Variants in CCNI observed in about 807,000 individuals in gnomAD.
The protein encoded by CCNI is cyclin-I.
In CCNI, 14 loss-of-function variants were observed where a neutral mutation model predicts 34.1. The observed-to-expected ratio is 0.41, with a 90% CI of 0.27 to 0.64. The LOEUF is 0.64. Among genes scored for constraint, CCNI ranks in the 30% least tolerant of loss-of-function variants. The probability of loss-of-function intolerance (pLI) is 0.31; values close to 1 mark genes in which losing one functional copy is unlikely to be tolerated. For synonymous variants in CCNI, 154 were observed against 158.4 expected, an observed-to-expected ratio of 0.97 and a Z score of 0.21; for missense variants, 385 against 440.5, an observed-to-expected ratio of 0.87 and a Z score of 1.13.
chr4:77,057,598 C>T (rs147205675), intron 3 of CCNI, among the ~76,000 whole-genome samples: 81 of 152,320 alleles, frequency 5.3e-4, no homozygotes, highest in African/African-American at 1.8e-3. Context: ...TCATGCCTTG[C>T]CATTAAATAA....
At chr4:77,059,387 TCTC>T (rs4252862) in intron 2 of CCNI, among the ~76,000 whole-genome samples, 15,445 of 151,012 alleles carry the variant, frequency 0.1, 993 homozygotes, top group South Asian at 0.17. Context: ...CATTCAGTAT[TCTC>T]CTTACAGCTC....
chr4:77,055,429 AT>A (rs1347719717), intron 5 of CCNI, 49 bp from the exon 6 acceptor site: 3 of 1,254,656 alleles, frequency 2.4e-6, no homozygotes, highest in Non-Finnish European at 3.4e-6. Context: ...TATCTGGGAA[AT>A]TACATATAGA....
chr4:77,058,479 A>G (rs753727169), intron 3 of CCNI, 28 bp downstream of exon 3: 76 of 1,579,056 alleles, frequency 4.8e-5, no homozygotes, highest in Non-Finnish European at 6.3e-5. Flanking sequence ...AAATGAGGTT[A>G]TATGTAAGTC....
At chr4:77,062,154 CTT>C (rs1211622899) in intron 2 of CCNI, among the ~76,000 whole-genome samples, 1 of 152,182 alleles carries the variant, frequency 6.6e-6, no homozygotes, top group Non-Finnish European at 1.5e-5. Context: ...TTATGTATCT[CTT>C]GAGAGCTATT....
intron 5 of CCNI, 81 bp from the exon 6 acceptor site, chr4:77,055,461 TTTC>T: frequency 1.1e-6 from 1 of 944,872 alleles, no homozygotes; most frequent in African/African-American, 1.7e-5. Context: ...ACCTATTCAA[TTTC>T]TTTTTTTTTT....
Position 77,075,690 on chromosome 4 carries a change from C to T in CCNI, c.-262G>A. ...GCTCGAGCGGGACGCACGGCTGCGG[C>T]CGCTGGGTCGGTCAGCGAATTAGTT... On this transcript the variant is annotated 5_prime_UTR_variant, in exon 1 of 7. Transcript: ENST00000237654. The T allele has an allele frequency of 8.9e-6, 4 of 449,566 alleles. No individual in the cohort carries two copies. Among genetic ancestry groups the T allele is most frequent in the Non-Finnish European group, 1.2e-5 (4 of 339,316 alleles). The allele number at this position is 449,566 out of a possible 1,614,324, so 27.8% of individuals were successfully genotyped here. A position where few individuals can be genotyped will look rare whatever the true frequency, so the allele number is the denominator to read the frequency against.
intron 6 of CCNI, among the ~76,000 whole-genome samples, chr4:77,051,204 A>G (rs2110007912): frequency 6.6e-6 from 1 of 152,332 alleles, no homozygotes; most frequent in African/African-American, 2.4e-5. Flanking sequence ...CGGTTGGTTG[A>G]ATCCAGATGC....
intron 1 of CCNI, chr4:77,074,784 T>G (rs1003659623): frequency 6.6e-6 from 1 of 152,210 alleles, no homozygotes; most frequent in East Asian, 1.9e-4. Flanking sequence ...TCTGAATCCA[T>G]CCTACCTCCC....
intron 2 of CCNI, among the ~76,000 whole-genome samples, chr4:77,061,897 C>T (rs1313403631): frequency 6.6e-6 from 1 of 152,074 alleles, no homozygotes; most frequent in Non-Finnish European, 1.5e-5. Flanking sequence ...TCTCGATCTC[C>T]TGACCTTGTG....
chr4:77,059,952 T>A (rs1286897367), intron 2 of CCNI, among the ~76,000 whole-genome samples: 1 of 152,136 alleles, frequency 6.6e-6, no homozygotes, highest in Admixed American at 6.5e-5. Flanking sequence ...AGGAAATAAA[T>A]TCCCAGGAGA....
At chr4:77,051,445 C>T (rs538335366) in intron 6 of CCNI, among the ~76,000 whole-genome samples, 4 of 152,180 alleles carry the variant, frequency 2.6e-5, no homozygotes, top group South Asian at 2.1e-4. Flanking sequence ...TGTGAAAAAA[C>T]GAAGTAAATA....
intron 1 of CCNI, among the ~76,000 whole-genome samples, chr4:77,067,790 TAAAAAAAAAAA>T (rs375815113): frequency 5.1e-5 from 5 of 98,680 alleles, no homozygotes; most frequent in African/African-American, 8.2e-5. Context: ...CTTCTAGGTT[TAAAAAAAAAAA>T]AAAAAAAAAA....
rs1287730778 is a variant in CCNI at position 77,048,174 on chromosome 4, A to G, written c.*45T>C. 3 of 1,481,612 alleles carry G rather than the reference A, an allele frequency of 2.0e-6. No homozygotes were observed. Among genetic ancestry groups the G allele is most frequent in the South Asian group, 1.2e-5 (1 of 82,350 alleles). 91.8% of individuals were successfully genotyped at this position (1,481,612 alleles called of 1,614,324 possible). ...CTGATTTTGCATGTTCTCATTCCCA[A>G]AGTAGTCTACCTTAGTTTACACTCA... On this transcript the variant is annotated 3_prime_UTR_variant, in exon 7 of 7. Coordinates refer to ENST00000237654, the MANE Select transcript of CCNI (RefSeq NM_006835.3).
chr4:77,048,229 GA>G lies in CCNI; in HGVS notation c.1123del (p.Ser375LeufsTer11), dbSNP rs1312037532. 6.2e-7 allele frequency: 1 copy of G among 1,612,952 alleles called. No homozygotes were observed. Among genetic ancestry groups the G allele is most frequent in the Admixed American group, 1.7e-5 (1 of 59,968 alleles). On this transcript the variant is annotated frameshift_variant, in exon 7 of 7. Transcript: ENST00000237654. LOFTEE classifies it high-confidence loss of function. ...ASPCPPLQPV[S>X]VM The stretch of plus-strand genomic sequence containing the variant: ...TAGCACTTGTTGAAACTACATGACA[GA>G]AACAGGCTGCAAAGGTGGACAAGGG...
chr4:77,067,403 T>C (rs1273197492), intron 1 of CCNI, among the ~76,000 whole-genome samples: 1 of 152,162 alleles, frequency 6.6e-6, no homozygotes, highest in African/African-American at 2.4e-5. Flanking sequence ...CACAGTACAT[T>C]GACTAGCACT....
At chr4:77,050,109 T>C (rs765211789) in intron 6 of CCNI, among the ~76,000 whole-genome samples, 2 of 152,226 alleles carry the variant, frequency 1.3e-5, no homozygotes. Context: ...TCAACAGTCC[T>C]GCTCTATATG....
chr4:77,047,606 T>C lies in CCNI; in HGVS notation c.*613A>G, dbSNP rs942707480. The C allele has an allele frequency of 9.2e-5, 14 of 152,246 alleles. No individual in the cohort carries two copies. The highest frequency in any genetic ancestry group is 2.9e-4 in the African/African-American group (12 of 41,468). The allele number at this position is 152,246 out of a possible 1,614,324, so 9.4% of individuals were successfully genotyped here. ...TTAAGGTAAACAAAAATGAAAACCA[T>C]AATTTTAAATTAAAATTTGAAATGA... On this transcript the variant is annotated 3_prime_UTR_variant, in exon 7 of 7. Transcript: ENST00000237654.
chr4:77,064,141 G>A (rs1165238317), intron 2 of CCNI, among the ~76,000 whole-genome samples: 1 of 151,808 alleles, frequency 6.6e-6, no homozygotes, highest in East Asian at 1.9e-4. Context: ...TACTTGGGAA[G>A]CTGAGGCAAG....
intron 2 of CCNI, 130 bp from the exon 3 acceptor site, chr4:77,058,765 A>G (rs1728407811): frequency 9.8e-6 from 7 of 715,780 alleles, no homozygotes. Flanking sequence ...GTTATTCAAA[A>G]TCTATCAGAC....
Sources: gnomAD v4.1 joint callset for allele counts (sites outside exome capture counted in the v4.1 genomes callset) on GRCh38, gnomAD v4.1.1 for gene constraint, MANE v1.5 for transcripts, NCBI Gene and HGNC (gene_info 2026-07-23, HGNC 2026-07-21) for gene names.